EHBP1: variants seen among roughly 807,000 people sequenced by gnomAD.
EHBP1 encodes the protein EH domain-binding protein 1.
In EHBP1, 55 loss-of-function variants were observed where a neutral mutation model predicts 144.0. The ratio of observed to expected loss-of-function variants is 0.38; its 90% CI spans 0.31 to 0.48. EHBP1 has a LOEUF of 0.48. EHBP1 is among the 20% of genes least tolerant of loss of function. EHBP1 has a pLI of 0.98. For missense variants in EHBP1, 1,200 were observed against 1,364.2 expected (o/e 0.88, Z 1.90); for synonymous variants, 469 against 472.7 (o/e 0.99, Z 0.10).
At chr2:62,878,312 A>G (rs1239182238) in intron 10 of EHBP1, among the ~76,000 whole-genome samples, 1 of 152,164 alleles carries the variant, frequency 6.6e-6, no homozygotes, top group Non-Finnish European at 1.5e-5. Flanking sequence ...CTGAAATTGA[A>G]TCAGTAATAA....
At chr2:62,962,224 G>C (rs1186201724) in intron 14 of EHBP1, among the ~76,000 whole-genome samples, 1 of 152,190 alleles carries the variant, frequency 6.6e-6, no homozygotes, top group Admixed American at 6.5e-5. Context: ...TACTCGGGAG[G>C]CTGAGGCACA....
At chr2:63,013,764 G>T (rs1441615539) in intron 19 of EHBP1, among the ~76,000 whole-genome samples, 2 of 152,166 alleles carry the variant, frequency 1.3e-5, no homozygotes, top group African/African-American at 4.8e-5. Flanking sequence ...GCTTTTCAGT[G>T]GACGCACTCG....
chr2:62,815,637 A>G (rs914105028), intron 5 of EHBP1, among the ~76,000 whole-genome samples: 16 of 152,174 alleles, frequency 1.1e-4, no homozygotes, highest in Non-Finnish European at 2.2e-4. Flanking sequence ...ACCCTTGGGT[A>G]TTTGGCAAAT....
At chr2:62,778,752 C>A (rs2042221308) in intron 5 of EHBP1, among the ~76,000 whole-genome samples, 1 of 152,090 alleles carries the variant, frequency 6.6e-6, no homozygotes, top group Non-Finnish European at 1.5e-5. Flanking sequence ...AAGTTTAAAT[C>A]CTTCTCCAAA....
intron 14 of EHBP1, among the ~76,000 whole-genome samples, chr2:62,976,345 G>T (rs1438089802): frequency 1.3e-5 from 2 of 152,090 alleles, no homozygotes; most frequent in Non-Finnish European, 2.9e-5. Flanking sequence ...AATTGCCTGG[G>T]CTTGAGTTCT....
intron 7 of EHBP1, among the ~76,000 whole-genome samples, chr2:62,838,594 C>G (rs1253921993): frequency 6.6e-6 from 1 of 151,248 alleles, no homozygotes; most frequent in African/African-American, 2.4e-5. Flanking sequence ...AGACCACTAG[C>G]AAGACTAATA....
intron 10 of EHBP1, among the ~76,000 whole-genome samples, chr2:62,879,272 T>C (rs1041692298): frequency 1.3e-5 from 2 of 152,116 alleles, no homozygotes; most frequent in Admixed American, 6.5e-5. Context: ...TTCAACATAG[T>C]ACTGGAAGTC....
chr2:62,821,426 C>T (rs926991760), intron 5 of EHBP1, among the ~76,000 whole-genome samples: 4 of 152,108 alleles, frequency 2.6e-5, no homozygotes, highest in Non-Finnish European at 4.4e-5. Context: ...TGGTAGCTCA[C>T]GCCTGTAATC....
intron 5 of EHBP1, among the ~76,000 whole-genome samples, chr2:62,806,103 C>T (rs2044435284): frequency 1.3e-5 from 2 of 152,112 alleles, no homozygotes; most frequent in African/African-American, 4.8e-5. Context: ...CCTCAGCCTC[C>T]CCAGGAGCTG....
At chr2:63,009,294 T>C (rs2060177390) in intron 19 of EHBP1, among the ~76,000 whole-genome samples, 1 of 151,688 alleles carries the variant, frequency 6.6e-6, no homozygotes, top group South Asian at 2.1e-4. Flanking sequence ...CTGATCATTT[T>C]TCTGTTTTAC....
At chr2:62,911,679 C>G (rs989688289) in intron 10 of EHBP1, among the ~76,000 whole-genome samples, 2 of 152,126 alleles carry the variant, frequency 1.3e-5, no homozygotes, top group Non-Finnish European at 2.9e-5. Context: ...TCAGGCTGGT[C>G]TCGAACTCCT....
rs73934273 is a variant in EHBP1 at position 62,690,875 on chromosome 2, A to T, written c.-295-16022A>T. ...CAAATTTGAAACCTGCAGTGTTTAG[A>T]ATTTTGTCACTGATCTTAGCTGATA... On this transcript the variant is annotated intron_variant, in intron 1 of 22. Coordinates refer to the EHBP1 transcript ENST00000405015. Among the ~76,000 whole-genome samples the T allele has an allele frequency of 5.9e-3, 901 of 152,316 alleles. 10 individuals are homozygous for T. The highest frequency in any genetic ancestry group is 0.02 in the African/African-American group (833 of 41,566).
In EHBP1 at chr2:62,680,800, G is replaced by T. The variant is rs566684612; in HGVS notation, c.-296+6717G>T. Among the ~76,000 whole-genome samples, 16 of 152,240 alleles carry T rather than the reference G, an allele frequency of 1.1e-4. No homozygotes were observed. The East Asian group carries it at 1.6e-3, about 15-fold the overall frequency. Reference sequence around the variant, plus strand: ...GACAGCAATCTGAGAGTCAAGATTCGTGGGATATAAGTCCTATCTCTACTA... The same window carrying T: ...GACAGCAATCTGAGAGTCAAGATTCTTGGGATATAAGTCCTATCTCTACTA... On this transcript the variant is annotated intron_variant, in intron 1 of 22. Coordinates refer to the EHBP1 transcript ENST00000405015.
intron 5 of EHBP1, among the ~76,000 whole-genome samples, chr2:62,808,451 T>C (rs963001372): frequency 2.0e-5 from 3 of 152,124 alleles, no homozygotes; most frequent in African/African-American, 7.2e-5. Flanking sequence ...TTATAGTGTT[T>C]TTATGGTGTT....
intron 2 of EHBP1, among the ~76,000 whole-genome samples, chr2:62,728,420 T>A (rs946440974): frequency 3.9e-5 from 6 of 152,270 alleles, no homozygotes; most frequent in Non-Finnish European, 8.8e-5. Context: ...TTGTCTTTTT[T>A]ATTTTAGCCA....
chr2:63,011,230 TA>T (rs2060254000), intron 19 of EHBP1, among the ~76,000 whole-genome samples: 2 of 151,776 alleles, frequency 1.3e-5, no homozygotes, highest in South Asian at 2.1e-4. Flanking sequence ...CATCAAAGCT[TA>T]AAAAAATCAA....
chr2:63,001,792 C>T (rs2059861925), intron 19 of EHBP1, among the ~76,000 whole-genome samples: 1 of 152,142 alleles, frequency 6.6e-6, no homozygotes, highest in Non-Finnish European at 1.5e-5. Flanking sequence ...AGCCTGACTC[C>T]CAGATACCAC....
At chr2:62,737,925 G>A (rs1039639487) in intron 2 of EHBP1, among the ~76,000 whole-genome samples, 5 of 151,936 alleles carry the variant, frequency 3.3e-5, no homozygotes, top group Non-Finnish European at 4.4e-5. Flanking sequence ...CATCATGTCC[G>A]GCTAATTTTT....
rs560366360 is a variant in EHBP1, at chr2:62,953,459, G to T, written c.2317-2058G>T. ...AGTACTTTGGGAGGCTGAGGTAAGA[G>T]GATCGCTTGGGCCTGAGAGGTCAAG... is the stretch of plus-strand genomic sequence containing the variant. On this transcript the variant is annotated intron_variant, in intron 13 of 22. Coordinates refer to ENST00000431489, the MANE Select transcript of EHBP1 (RefSeq NM_001142616.3). Among the ~76,000 whole-genome samples, 4 of 152,018 alleles carry T rather than the reference G, an allele frequency of 2.6e-5. No homozygotes were observed. The East Asian group carries it at 7.7e-4, about 29-fold the overall frequency.
Sources: allele counts gnomAD v4.1 joint callset (sites outside exome capture counted in the v4.1 genomes callset), GRCh38; gene constraint gnomAD v4.1.1; transcripts MANE v1.5; gene names NCBI Gene and HGNC (gene_info 2026-07-23, HGNC 2026-07-21).